Variants in TENM2 observed in about 807,000 individuals in gnomAD.
TENM2 encodes teneurin-2.
Under a neutral mutation model 245.2 loss-of-function variants are expected in TENM2, and 52 were observed. That is an observed-to-expected ratio of 0.21 (90% CI 0.17 to 0.27). The LOEUF (loss-of-function observed/expected upper bound fraction) is 0.27, where lower values mean the gene tolerates loss of function less well. Ranked by LOEUF, TENM2 falls within the 10% of genes least tolerant of loss-of-function variation. The pLI is 1.00. For missense variants in TENM2, 3,046 were observed against 3,666.8 expected (o/e 0.83, Z 4.37); for synonymous variants, 1,363 against 1,438.9 (o/e 0.95, Z 1.19).
At chr5:167,472,783 G>A (rs538951801) in intron 2 of TENM2, among the ~76,000 whole-genome samples, 28 of 152,182 alleles carry the variant, frequency 1.8e-4, no homozygotes, top group African/African-American at 5.8e-4. Flanking sequence ...TAAATGCTAC[G>A]TGTGAAGTTA....
chr5:167,044,227 A>G, the TENM2 span, among the ~76,000 whole-genome samples: 65 of 152,280 alleles, frequency 4.3e-4, no homozygotes, highest in East Asian at 0.012. Flanking sequence ...TATTAGAGAG[A>G]ATCTGGCAGA....
intron 2 of TENM2, among the ~76,000 whole-genome samples, chr5:167,494,530 A>G (rs945806042): frequency 1.3e-5 from 2 of 152,028 alleles, no homozygotes; most frequent in East Asian, 1.9e-4. Flanking sequence ...TCATTCATTC[A>G]TTCGACAATC....
chr5:167,334,983 T>C (rs1405854081), intron 1 of TENM2, among the ~76,000 whole-genome samples: 2 of 152,222 alleles, frequency 1.3e-5, no homozygotes, highest in Non-Finnish European at 2.9e-5. Context: ...TTATCATAAA[T>C]AGGGCTTGAC....
Position 167,918,460 on chromosome 5 carries a change from C to T in TENM2, c.713-34128C>T, listed in dbSNP as rs571773620. Among the ~76,000 whole-genome samples, 7 of 152,292 alleles carry T rather than the reference C, an allele frequency of 4.6e-5. No individual in the cohort carries two copies. In the East Asian group the frequency reaches 1.2e-3, roughly 25 times the overall value. On this transcript the variant is annotated intron_variant, in intron 3 of 28. Coordinates refer to ENST00000518659, the Ensembl canonical transcript of TENM2. ...CGTCTCCCTATAAGCTCTTACCTGC[C>T]GAATTAGCAAGCTGCAGCTATTATG... is the stretch of plus-strand genomic sequence containing the variant.
chr5:168,195,528 T>G (rs917987823), intron 15 of TENM2, among the ~76,000 whole-genome samples: 2 of 149,942 alleles, frequency 1.3e-5, no homozygotes, highest in African/African-American at 4.9e-5. Flanking sequence ...GCCACCTCGT[T>G]TTTTTAATGT....
chr5:168,040,742 A>G (rs1788114154), intron 5 of TENM2, among the ~76,000 whole-genome samples: 2 of 152,210 alleles, frequency 1.3e-5, no homozygotes, highest in African/African-American at 4.8e-5. Flanking sequence ...ATTCCTAAAA[A>G]TAATAATACA....
intron 2 of TENM2, among the ~76,000 whole-genome samples, chr5:167,593,977 T>C (rs1050737788): frequency 2.0e-5 from 3 of 152,226 alleles, no homozygotes; most frequent in African/African-American, 7.2e-5. Context: ...TAGAGATGAC[T>C]GAGGTACCTG....
At chr5:167,544,858 T>G (rs192117521) in intron 2 of TENM2, among the ~76,000 whole-genome samples, 1 of 152,302 alleles carries the variant, frequency 6.6e-6, no homozygotes, top group East Asian at 1.9e-4. Flanking sequence ...TGAAGTAATA[T>G]GTGTGTAATT....
intron 2 of TENM2, among the ~76,000 whole-genome samples, chr5:167,727,123 T>G (rs2150540652): frequency 6.9e-6 from 1 of 145,318 alleles, no homozygotes; most frequent in South Asian, 2.3e-4. Context: ...TTTTTTTTTT[T>G]TTTTGAGATG....
At chr5:167,085,318 G>C in the TENM2 span, among the ~76,000 whole-genome samples, 1 of 152,110 alleles carries the variant, frequency 6.6e-6, no homozygotes, top group East Asian at 1.9e-4. Flanking sequence ...TTGATGTTTG[G>C]AGCCTATATT....
chr5:167,452,689 A>G (rs970835272), intron 2 of TENM2, among the ~76,000 whole-genome samples: 1 of 151,646 alleles, frequency 6.6e-6, no homozygotes, highest in East Asian at 2.0e-4. Flanking sequence ...TTCACTAATA[A>G]CGAGCTCAGA....
intron 13 of TENM2, chr5:168,186,889 C>T (rs572083735): frequency 6.6e-6 from 1 of 152,252 alleles, no homozygotes; most frequent in African/African-American, 2.4e-5. Context: ...AGACTCCATC[C>T]AAGGGGCTTG....
chr5:168,150,810 G>A (rs149709404), intron 12 of TENM2, among the ~76,000 whole-genome samples: 1 of 152,176 alleles, frequency 6.6e-6, no homozygotes, highest in South Asian at 2.1e-4. Context: ...AGTTGCACAG[G>A]CCTGGATTCA....
the TENM2 span, among the ~76,000 whole-genome samples, chr5:167,198,473 G>A: frequency 6.6e-6 from 1 of 151,968 alleles, no homozygotes; most frequent in Admixed American, 6.6e-5. Flanking sequence ...AATAGAATGG[G>A]GAAATGGCTC....
At chr5:167,874,268 A>G (rs1773233015) in intron 2 of TENM2, among the ~76,000 whole-genome samples, 1 of 152,170 alleles carries the variant, frequency 6.6e-6, no homozygotes, top group African/African-American at 2.4e-5. Context: ...AAGCTCTCTG[A>G]GGGCAGGGGT....
intron 1 of TENM2, among the ~76,000 whole-genome samples, chr5:167,286,741 G>A (rs1037340245): frequency 6.6e-6 from 1 of 152,118 alleles, no homozygotes; most frequent in Non-Finnish European, 1.5e-5. Flanking sequence ...GTGCATCCTG[G>A]CTTCTGGATC....
In TENM2 at chr5:167,876,212, G is replaced by A; in HGVS notation, c.712+17G>A. On this transcript the variant is annotated intron_variant, in intron 3 of 28. Transcript: ENST00000518659. ...CCAGCAGTGGTAAGGAAACTCCGTG[G>A]TGTCTGAATGTGTGGTGTTTCGTGA... The A allele has an allele frequency of 6.5e-7, 1 of 1,528,306 alleles. No homozygotes were observed. Among genetic ancestry groups the A allele is most frequent in the Middle Eastern group, 1.7e-4 (1 of 5,952 alleles). The allele number at this position is 1,528,306 out of a possible 1,614,324, so 94.7% of individuals were successfully genotyped here. A position where few individuals can be genotyped will look rare whatever the true frequency, so the allele number is the denominator to read the frequency against.
At chr5:167,112,751 C>T in the TENM2 span, among the ~76,000 whole-genome samples, 1 of 152,190 alleles carries the variant, frequency 6.6e-6, no homozygotes, top group Non-Finnish European at 1.5e-5. Context: ...GTGTTCCAAT[C>T]CATACAATCT....
chr5:167,448,383 C>T (rs570817482), intron 2 of TENM2, among the ~76,000 whole-genome samples: 1 of 151,888 alleles, frequency 6.6e-6, no homozygotes, highest in African/African-American at 2.4e-5. Context: ...GGAAAATAAG[C>T]AATAAGCGTC....
Sources: allele counts gnomAD v4.1 joint callset (sites outside exome capture counted in the v4.1 genomes callset), GRCh38; gene constraint gnomAD v4.1.1; transcripts MANE v1.5; gene names NCBI Gene and HGNC (gene_info 2026-07-23, HGNC 2026-07-21).